Variants in NCOA1 observed in about 807,000 individuals in gnomAD.
The protein encoded by NCOA1 is Hin-2 protein.
Under a neutral mutation model 150.9 loss-of-function variants are expected in NCOA1, and 35 were observed. The observed-to-expected ratio is 0.23, with a 90% CI of 0.18 to 0.31. NCOA1 has a LOEUF of 0.31. Among genes scored for constraint, NCOA1 ranks in the 10% least tolerant of loss-of-function variants. NCOA1 has a pLI of 1.00. For synonymous variants in NCOA1, 590 were observed against 630.0 expected (o/e 0.94, Z 0.95); for missense variants, 1,491 against 1,749.3 (o/e 0.85, Z 2.63).
rs1666947727 is a variant in NCOA1, at chr2:24,576,149, G to GTTTTTTTTTGTTTTTTTTTTTT, written c.-259-8318_-259-8317insGTTTTTTTTTTTTTTTTTTTTT. Among the ~76,000 whole-genome samples the GTTTTTTTTTGTTTTTTTTTTTT allele has an allele frequency of 6.6e-4, 62 of 94,010 alleles. 2 individuals carry two copies. Among genetic ancestry groups the GTTTTTTTTTGTTTTTTTTTTTT allele is most frequent in the Non-Finnish European group, 1.0e-3 (49 of 48,860 alleles). The allele number at this position is 94,010 out of a possible 152,430, so 61.7% of individuals were successfully genotyped here. A position where few individuals can be genotyped will look rare whatever the true frequency, so the allele number is the denominator to read the frequency against. ...GAGTTTCAGAAATTATTTGGCCTTT[G>GTTTTTTTTTGTTTTTTTTTTTT]TTTTTTTTTTTTTGTTTTTTGTTTT... On this transcript the variant is annotated intron_variant, in intron 2 of 22. Transcript: ENST00000348332.
intron 2 of NCOA1, among the ~76,000 whole-genome samples, chr2:24,571,548 G>T (rs1666745597): frequency 6.6e-6 from 1 of 152,156 alleles, no homozygotes; most frequent in Admixed American, 6.5e-5. Flanking sequence ...GCTGGGATTT[G>T]TATCCAGGCA....
intron 1 of NCOA1, among the ~76,000 whole-genome samples, chr2:24,508,910 A>G (rs994476059): frequency 1.3e-5 from 2 of 152,218 alleles, no homozygotes; most frequent in Non-Finnish European, 2.9e-5. Flanking sequence ...TTAAAATCCT[A>G]AAGTGATCAC....
chr2:24,697,654 A>G lies in NCOA1; in HGVS notation c.809-4A>G, dbSNP rs1418048217. 2 of 1,605,358 alleles carry G rather than the reference A, an allele frequency of 1.2e-6. No individual in the cohort carries two copies. The highest frequency in any genetic ancestry group is 1.7e-6 in the Non-Finnish European group (2 of 1,174,376). On this transcript the variant is annotated splice_polypyrimidine_tract_variant and splice_region_variant and intron_variant, in intron 10 of 22. Coordinates refer to ENST00000348332, the MANE Select transcript of NCOA1 (RefSeq NM_003743.5). ...ATAAATATAAACTTTCATTCTTTGT[A>G]CAGGTAAAATCATCTCTATTGATAC...
At chr2:24,733,697 T>G (rs1285864102) in intron 17 of NCOA1, among the ~76,000 whole-genome samples, 2 of 151,956 alleles carry the variant, frequency 1.3e-5, no homozygotes, top group African/African-American at 4.8e-5. Flanking sequence ...TGAGCCAAGA[T>G]TGTGCCACTG....
chr2:24,662,652 A>G (rs1317025992), intron 5 of NCOA1, among the ~76,000 whole-genome samples: 2 of 152,210 alleles, frequency 1.3e-5, no homozygotes, highest in East Asian at 3.8e-4. Context: ...TTTTTAATAT[A>G]AAACCCTGGA....
At chr2:24,683,315 G>T (rs1400285179) in intron 8 of NCOA1, among the ~76,000 whole-genome samples, 187 bp downstream of exon 8, 1 of 152,060 alleles carries the variant, frequency 6.6e-6, no homozygotes, top group Non-Finnish European at 1.5e-5. Context: ...TCATCAAATA[G>T]CTGATGGAGA....
chr2:24,619,335 T>C (rs1264821906), intron 3 of NCOA1, among the ~76,000 whole-genome samples: 1 of 152,224 alleles, frequency 6.6e-6, no homozygotes, highest in Non-Finnish European at 1.5e-5. Flanking sequence ...TGTTGAAGAT[T>C]CTTTGACCTT....
rs1198138442 is a variant in NCOA1, at chr2:24,700,144, T to C, written c.949+2346T>C. Reference sequence around the variant, plus strand: ...GGCAACAAGAGCGAAACTTCATCGCTAATAATAATAATAATAATAATAATA... The same window carrying C: ...GGCAACAAGAGCGAAACTTCATCGCCAATAATAATAATAATAATAATAATA... On this transcript the variant is annotated intron_variant, in intron 11 of 22. Coordinates refer to ENST00000348332, the MANE Select transcript of NCOA1 (RefSeq NM_003743.5). Among the ~76,000 whole-genome samples, 9 of 36,160 alleles carry C rather than the reference T, an allele frequency of 2.5e-4. 1 individual carries two copies. The highest frequency in any genetic ancestry group is 1.0e-3 in the South Asian group (2 of 1,932). 23.7% of individuals were successfully genotyped at this position (36,160 alleles called of 152,430 possible).
chr2:24,728,906 A>G (rs545752943), intron 16 of NCOA1, among the ~76,000 whole-genome samples: 1 of 152,378 alleles, frequency 6.6e-6, no homozygotes, highest in South Asian at 2.1e-4. Flanking sequence ...GTAGAATACA[A>G]AGTATGAGAA....
chr2:24,730,136 A>C (rs112231340), intron 17 of NCOA1, among the ~76,000 whole-genome samples: 1 of 152,052 alleles, frequency 6.6e-6, no homozygotes, highest in Non-Finnish European at 1.5e-5. Flanking sequence ...GAGCCACCGC[A>C]CCCTGCCAGC....
chr2:24,671,212 A>G (rs1044652084), intron 6 of NCOA1, among the ~76,000 whole-genome samples: 8 of 152,236 alleles, frequency 5.3e-5, no homozygotes, highest in African/African-American at 1.7e-4. Context: ...TCAAACCTAC[A>G]TGTATCAATG....
At chr2:24,499,839 A>G (rs1004574008) in intron 1 of NCOA1, among the ~76,000 whole-genome samples, 3 of 152,256 alleles carry the variant, frequency 2.0e-5, no homozygotes, top group African/African-American at 7.2e-5. Flanking sequence ...GCCCCTAGCC[A>G]ACGTTACTCG....
At chr2:24,638,605 C>T (rs1255014675) in intron 3 of NCOA1, among the ~76,000 whole-genome samples, 1 of 152,108 alleles carries the variant, frequency 6.6e-6, no homozygotes, top group African/African-American at 2.4e-5. Flanking sequence ...ACATTCCCAC[C>T]AACAGTGTTT....
rs34669959 is a variant in NCOA1 at position 24,547,988 on chromosome 2, C to CAAAAAAA, written c.-395-16293_-395-16287dup. On this transcript the variant is annotated intron_variant, in intron 1 of 22. Transcript: ENST00000348332. ...TGGGCAACAGAGTGAGACTCTGTCTCAAAAAAAAAAAAAAAAAAAAGGATG... is the reference window on the plus strand; with the variant it reads ...TGGGCAACAGAGTGAGACTCTGTCTCAAAAAAAAAAAAAAAAAAAAAAAAAAAGGATG... Among the ~76,000 whole-genome samples the CAAAAAAA allele has an allele frequency of 9.3e-3, 693 of 74,910 alleles. 28 individuals are homozygous for CAAAAAAA. Among genetic ancestry groups the CAAAAAAA allele is most frequent in the African/African-American group, 0.039 (647 of 16,680 alleles). The allele number at this position is 74,910 out of a possible 152,430, so 49.1% of individuals were successfully genotyped here.
intron 3 of NCOA1, among the ~76,000 whole-genome samples, chr2:24,600,647 A>C (rs1458018502): frequency 6.6e-6 from 1 of 152,226 alleles, no homozygotes; most frequent in Admixed American, 6.5e-5. Flanking sequence ...AGAGATACAT[A>C]TTCTTACTAT....
chr2:24,637,813 A>C (rs534028892), intron 3 of NCOA1, among the ~76,000 whole-genome samples: 2 of 152,134 alleles, frequency 1.3e-5, no homozygotes, highest in South Asian at 4.1e-4. Context: ...CTCCTGCCTC[A>C]GCTTCCCAAG....
intron 7 of NCOA1, among the ~76,000 whole-genome samples, chr2:24,680,173 A>G (rs1672099025): frequency 6.6e-6 from 1 of 152,188 alleles, no homozygotes; most frequent in Admixed American, 6.5e-5. Context: ...TATACCCAGT[A>G]CTGGGATTAC....
intron 1 of NCOA1, among the ~76,000 whole-genome samples, chr2:24,516,458 C>T (rs1156730506): frequency 1.3e-5 from 2 of 151,056 alleles, no homozygotes; most frequent in Non-Finnish European, 3.0e-5. Flanking sequence ...TCCCAAAGTG[C>T]TGGGATTACA....
intron 17 of NCOA1, 109 bp from the exon 18 acceptor site, chr2:24,739,323 C>T: frequency 1.3e-6 from 1 of 758,670 alleles, no homozygotes; most frequent in South Asian, 1.7e-5. Context: ...CTAACCAAAC[C>T]TGCAACACTA....
Sources: allele counts gnomAD v4.1 joint callset (sites outside exome capture counted in the v4.1 genomes callset), GRCh38; gene constraint gnomAD v4.1.1; transcripts MANE v1.5; gene names NCBI Gene and HGNC (gene_info 2026-07-23, HGNC 2026-07-21).